ABCC8: variants seen among roughly 807,000 people sequenced by gnomAD.
ABCC8 encodes the protein ATP-binding cassette sub-family C member 8.
ABCC8 carries 137 observed loss-of-function variants against 188.0 expected under a neutral mutation model. The observed-to-expected ratio is 0.73, with a 90% CI of 0.63 to 0.84. ABCC8 has a LOEUF of 0.84. ABCC8 is among the 40% of genes least tolerant of loss of function. The pLI is 0.00. For synonymous variants in ABCC8, 797 were observed against 846.5 expected (o/e 0.94, Z 1.01); for missense variants, 1,750 against 2,072.7 (o/e 0.84, Z 3.02).
intron 22 of ABCC8, 35 bp downstream of exon 22, chr11:17,410,481 G>A (rs755425453): frequency 1.9e-6 from 3 of 1,610,364 alleles, no homozygotes; most frequent in Admixed American, 1.7e-5. Context: ...CCCCAGCCCT[G>A]CCCCCTATAG....
At chr11:17,449,407 G>A (rs572440450) in intron 7 of ABCC8, among the ~76,000 whole-genome samples, 5 of 152,166 alleles carry the variant, frequency 3.3e-5, no homozygotes, top group Non-Finnish European at 7.3e-5. Context: ...TCATAATTGA[G>A]CCTTGAAACA....
At chr11:17,400,835 A>G (rs535946124) in intron 29 of ABCC8, among the ~76,000 whole-genome samples, 1 of 152,346 alleles carries the variant, frequency 6.6e-6, no homozygotes, top group East Asian at 1.9e-4. Flanking sequence ...ATTAAATGTA[A>G]TAATGCACAT....
chr11:17,432,207 G>A lies in ABCC8; in HGVS notation c.1668C>T (p.Leu556=), dbSNP rs1287759139. Residue 556 remains leucine (L), a synonymous_variant, in exon 11 of 39, where the codon CTC becomes CTT. Coordinates refer to ENST00000389817, the MANE Select transcript of ABCC8 (RefSeq NM_000352.6). ...MNTAIPIAAV[L]ITFVGHVSFF... The stretch of plus-strand genomic sequence containing the variant: ...GATGGAGAAAGGATCCACTTACTAT[G>A]AGGACAGCTGCAATGGGGATGGCCG... 5.2e-6 allele frequency: 8 copies of A among 1,552,926 alleles called. No homozygotes were observed. The East Asian group carries it at 1.2e-4, about 24-fold the overall frequency.
intron 11 of ABCC8, among the ~76,000 whole-genome samples, chr11:17,431,263 C>T (rs1955835116): frequency 6.6e-6 from 1 of 151,742 alleles, no homozygotes; most frequent in Admixed American, 6.6e-5. Flanking sequence ...TCAGCACGGC[C>T]CCCTCTGCAG....
intron 10 of ABCC8, among the ~76,000 whole-genome samples, chr11:17,441,836 C>T (rs934021448): frequency 6.6e-6 from 1 of 152,176 alleles, no homozygotes; most frequent in South Asian, 2.1e-4. Flanking sequence ...AATTCCAGCA[C>T]TTTGGGAGGC....
intron 1 of ABCC8, among the ~76,000 whole-genome samples, chr11:17,475,464 T>C (rs1564999000): frequency 6.6e-6 from 1 of 152,076 alleles, no homozygotes; most frequent in Non-Finnish European, 1.5e-5. Flanking sequence ...ACTCAAGCAG[T>C]CTTCCTGTCA....
At position 17,396,990 on chromosome 11, in the gene ABCC8, G is replaced by C; in HGVS notation, c.4045C>G (p.Leu1349Val). 1 of 1,614,224 alleles carries C rather than the reference G, an allele frequency of 6.2e-7. No individual in the cohort carries two copies. The highest frequency in any genetic ancestry group is 8.5e-7 in the Non-Finnish European group (1 of 1,180,032). ...PDQGKIQIQN[L>V]SVRYDSSLKP... ...AGGGAGCTGTCGTAGCGCACGCTCA[G>C]GTTCTGGATCTGGATCTTCCCTTGG... The change falls in exon 33 of 39, where the codon CTG becomes GTG. Residue 1349 changes from leucine (L) to valine (V), a missense_variant. Leu to Val is a conservative substitution (Grantham distance 32). Coordinates refer to ENST00000389817, the MANE Select transcript of ABCC8 (RefSeq NM_000352.6).
In ABCC8 at chr11:17,460,532, T is replaced by G. The variant is rs756573042; in HGVS notation, c.967A>C (p.Ile323Leu). Residue 323 changes from isoleucine (I) to leucine (L), a missense_variant, in exon 6 of 39, where the codon ATC (isoleucine) becomes CTC (leucine). Transcript: ENST00000389817. The stretch of plus-strand genomic sequence containing the variant: ...TTCTCCTTCCCAAGGTGGTCCACGA[T>G]CCCAAAGATGCACAGTGGCCCGGCG... ...GFAGPLCIFG[I>L]VDHLGKENDV... 2 of 1,614,104 alleles carry G rather than the reference T, an allele frequency of 1.2e-6. No individual in the cohort carries two copies. The highest frequency in any genetic ancestry group is 2.2e-5 in the East Asian group (1 of 44,882).
rs767866373 is a variant in ABCC8, at chr11:17,402,763, G to A, written c.3558-10C>T. 14 of 1,614,066 alleles carry A rather than the reference G, an allele frequency of 8.7e-6. No individual in the cohort carries two copies. Among genetic ancestry groups the A allele is most frequent in the Non-Finnish European group, 1.2e-5 (14 of 1,180,034 alleles). On this transcript the variant is annotated splice_polypyrimidine_tract_variant and intron_variant, in intron 28 of 38. Coordinates refer to ENST00000389817, the MANE Select transcript of ABCC8 (RefSeq NM_000352.6). The stretch of plus-strand genomic sequence containing the variant: ...CAGCTGCTGCAGGTCCCTGTGGCGG[G>A]GAACAGAGTGGAACAGTTAAGAGGG...
At chr11:17,452,475 G>A (rs1474971075) in intron 7 of ABCC8, among the ~76,000 whole-genome samples, 5 of 152,302 alleles carry the variant, frequency 3.3e-5, no homozygotes, top group Middle Eastern at 3.4e-3. Context: ...TCAGGCATTA[G>A]ATTCTCATAA....
At chr11:17,397,944 A>C in intron 30 of ABCC8, 147 bp from the exon 31 acceptor site, 1 of 1,460,570 alleles carries the variant, frequency 6.8e-7, no homozygotes, top group Non-Finnish European at 9.1e-7. Flanking sequence ...AGACACACAC[A>C]AGGGCTGCGA....
At chr11:17,396,176 G>T (rs971726472) in intron 33 of ABCC8, 6 of 853,218 alleles carry the variant, frequency 7.0e-6, no homozygotes, top group Admixed American at 2.8e-5. Flanking sequence ...GGGCCTTGGT[G>T]TGGGTCTGGG....
At position 17,401,686 on chromosome 11, in the gene ABCC8, TG is replaced by T. The variant is rs1234441743; in HGVS notation, c.3650+974del. Among the ~76,000 whole-genome samples the T allele has an allele frequency of 2.0e-5, 3 of 152,296 alleles. No individual in the cohort carries two copies. The East Asian group carries it at 5.8e-4, about 29-fold the overall frequency. On this transcript the variant is annotated intron_variant, in intron 29 of 38. Transcript: ENST00000389817. ...TGAAGATGAGAAAAGAGCCCAACTT[TG>T]TGTGTCAGGGGTCTCTGGCCTGCCT... is the stretch of plus-strand genomic sequence containing the variant.
At chr11:17,476,524 G>T in intron 1 of ABCC8, 105 bp downstream of exon 1, 3 of 1,405,876 alleles carry the variant, frequency 2.1e-6, no homozygotes, top group Non-Finnish European at 2.9e-6. Flanking sequence ...GAGGCGGACG[G>T]CGGTCGCGGG....
intron 10 of ABCC8, among the ~76,000 whole-genome samples, chr11:17,434,431 C>T (rs1955988080): frequency 6.6e-6 from 1 of 152,236 alleles, no homozygotes; most frequent in African/African-American, 2.4e-5. Context: ...CCTGAGTAAT[C>T]ATTCAAGAGC....
chr11:17,402,573 G>C, intron 29 of ABCC8, 88 bp downstream of exon 29: 2 of 1,612,508 alleles, frequency 1.2e-6, no homozygotes, highest in Middle Eastern at 1.7e-4. Flanking sequence ...GCCTTCCCAA[G>C]TGGAGTCCTG....
Position 17,476,732 on chromosome 11 carries a change from G to A in ABCC8, c.45C>T (p.Tyr15=), listed in dbSNP as rs758231286. 3.7e-5 allele frequency: 59 copies of A among 1,604,122 alleles called. No homozygotes were observed. The highest frequency in any genetic ancestry group is 2.8e-5 in the Non-Finnish European group (33 of 1,175,678). Reference sequence around the variant, plus strand: ...TGTTGAGGACCCCCTGGTCCACCCGGTAGGCGGCCGAGTGGTTCTCGCTGC... The same window carrying A: ...TGTTGAGGACCCCCTGGTCCACCCGATAGGCGGCCGAGTGGTTCTCGCTGC... ...FCGSENHSAA[Y]RVDQGVLNNG... The change falls in exon 1 of 39, where the codon TAC becomes TAT. Residue 15 remains tyrosine, a synonymous_variant. Transcript: ENST00000389817.
At chr11:17,421,520 T>C (rs1955342412) in intron 16 of ABCC8, among the ~76,000 whole-genome samples, 1 of 152,154 alleles carries the variant, frequency 6.6e-6, no homozygotes, top group Non-Finnish European at 1.5e-5. Flanking sequence ...AAACAAAATA[T>C]GGTCCCTGTC....
intron 7 of ABCC8, among the ~76,000 whole-genome samples, chr11:17,450,255 TCTTTC>T (rs1487559656): frequency 7.7e-5 from 4 of 52,254 alleles, no homozygotes; most frequent in Non-Finnish European, 1.3e-4. Flanking sequence ...TTTCTTTCTT[TCTTTC>T]TCTTTCTTTC....
Sources: allele counts gnomAD v4.1 joint callset (sites outside exome capture counted in the v4.1 genomes callset), GRCh38; gene constraint gnomAD v4.1.1; transcripts MANE v1.5; gene names NCBI Gene and HGNC (gene_info 2026-07-23, HGNC 2026-07-21).